Variants in LRRC49 observed in about 807,000 individuals in gnomAD.
LRRC49 encodes the protein leucine rich repeat containing 49.
Under a neutral mutation model 83.3 loss-of-function variants are expected in LRRC49, and 50 were observed. That is an observed-to-expected ratio of 0.60 (90% CI 0.48 to 0.76). The LOEUF is 0.76. LRRC49 is among the 30% of genes least tolerant of loss of function. The probability of loss-of-function intolerance (pLI) is 0.00; values close to 1 mark genes in which losing one functional copy is unlikely to be tolerated. For synonymous variants in LRRC49, 286 were observed against 283.3 expected (o/e 1.01, Z -0.10); for missense variants, 704 against 809.1 (o/e 0.87, Z 1.58).
Position 70,881,040 on chromosome 15 carries a change from G to A in LRRC49, c.18+7817G>A, listed in dbSNP as rs140965801. ...GGAGTTTGAGACCAGTCTGGGCAAT[G>A]TAGTGAGACCCCATCTTTACAAAAA... On this transcript the variant is annotated intron_variant, in intron 2 of 16. Coordinates refer to the LRRC49 transcript ENST00000544974. 1.8e-3 allele frequency among the ~76,000 whole-genome samples: 279 copies of A among 152,250 alleles called. 2 individuals are homozygous for A. Among genetic ancestry groups the A allele is most frequent in the African/African-American group, 6.6e-3 (275 of 41,540 alleles).
Position 70,920,455 on chromosome 15 carries a change from C to T in LRRC49, c.711+1262C>T, listed in dbSNP as rs199893022. On this transcript the variant is annotated intron_variant, in intron 7 of 15. Coordinates refer to ENST00000260382, the MANE Select transcript of LRRC49 (RefSeq NM_017691.5). ...CTGGACTGTTTATTTAGAAGACATT[C>T]AGATTGGGTTAACCTGTTATGTTGC... 1.7e-4 allele frequency among the ~76,000 whole-genome samples: 26 copies of T among 152,270 alleles called. No homozygotes were observed. The East Asian group carries it at 2.1e-3, about 12-fold the overall frequency.
intron 7 of LRRC49, among the ~76,000 whole-genome samples, chr15:70,929,737 G>C (rs1460569473): frequency 6.6e-6 from 1 of 152,176 alleles, no homozygotes; most frequent in Non-Finnish European, 1.5e-5. Context: ...ATTCTAAGTT[G>C]TTTGTTGTCA....
At chr15:70,932,834 A>G (rs2035460286) in intron 7 of LRRC49, among the ~76,000 whole-genome samples, 1 of 149,218 alleles carries the variant, frequency 6.7e-6, no homozygotes, top group Non-Finnish European at 1.5e-5. Context: ...CGTTCAAACA[A>G]TTCTCCCGTC....
chr15:70,893,496 T>C lies in LRRC49; in HGVS notation c.49-88T>C. The C allele has an allele frequency of 7.8e-6, 6 of 771,338 alleles. 1 individual carries two copies. In the South Asian group the frequency reaches 9.4e-5, roughly 12 times the overall value. 47.8% of individuals were successfully genotyped at this position (771,338 alleles called of 1,614,324 possible). On this transcript the variant is annotated intron_variant, in intron 1 of 15. Transcript: ENST00000260382. The stretch of plus-strand genomic sequence containing the variant: ...TAGAGCATTGTGTTCTATTTTTTTG[T>C]TGTATTTCTGTTTGTACCTTTTTTT...
rs185036588 is a variant in LRRC49, at chr15:70,952,159, G to T, written c.774-11626G>T. 9.3e-4 allele frequency among the ~76,000 whole-genome samples: 140 copies of T among 150,846 alleles called. 1 individual carries two copies. Among genetic ancestry groups the T allele is most frequent in the Non-Finnish European group, 1.7e-3 (114 of 67,746 alleles). On this transcript the variant is annotated intron_variant, in intron 8 of 15. Coordinates refer to ENST00000260382, the MANE Select transcript of LRRC49 (RefSeq NM_017691.5). ...AGCTTTTTGATGTGCTTCTGAATTT[G>T]CTTGTATTTTGTTGAGGATTTTTAC...
chr15:71,045,444 A>G (rs764266089), intron 15 of LRRC49, among the ~76,000 whole-genome samples: 5 of 152,294 alleles, frequency 3.3e-5, no homozygotes, highest in Non-Finnish European at 7.4e-5. Context: ...CATTGCAGAC[A>G]TTAGTATGCT....
chr15:71,046,873 G>A (rs2039868485), intron 15 of LRRC49, among the ~76,000 whole-genome samples: 1 of 152,130 alleles, frequency 6.6e-6, no homozygotes, highest in Non-Finnish European at 1.5e-5. Flanking sequence ...TATGGTGAAA[G>A]ATAAGAAAGG....
chr15:70,945,313 A>G lies in LRRC49; in HGVS notation c.773+8491A>G, dbSNP rs377536354. On this transcript the variant is annotated intron_variant, in intron 8 of 15. Coordinates refer to ENST00000260382, the MANE Select transcript of LRRC49 (RefSeq NM_017691.5). ...GGATCACAGCCCTGAGCTAGTCAAC[A>G]TCTGCTTCATATATTTTGTCCAGTT... Among the ~76,000 whole-genome samples, 3 of 152,288 alleles carry G rather than the reference A, an allele frequency of 2.0e-5. No individual in the cohort carries two copies. In the East Asian group the frequency reaches 5.8e-4, roughly 29 times the overall value.
intron 11 of LRRC49, among the ~76,000 whole-genome samples, chr15:71,007,219 T>A (rs1247795207): frequency 6.6e-6 from 1 of 152,036 alleles, no homozygotes; most frequent in Non-Finnish European, 1.5e-5. Context: ...GTTTTATCCC[T>A]TAACATCATT....
At chr15:71,023,948 G>T (rs941488386) in intron 14 of LRRC49, among the ~76,000 whole-genome samples, 2 of 152,148 alleles carry the variant, frequency 1.3e-5, no homozygotes. Context: ...CCAGGGGAGG[G>T]GCAGATGCCA....
At chr15:70,960,616 C>T (rs2141193747) in intron 8 of LRRC49, among the ~76,000 whole-genome samples, 1 of 152,046 alleles carries the variant, frequency 6.6e-6, no homozygotes, top group East Asian at 1.9e-4. Flanking sequence ...ATAAAAGGCC[C>T]AGAAATAGAC....
At chr15:70,987,341 A>T (rs1431584199) in intron 11 of LRRC49, among the ~76,000 whole-genome samples, 1 of 152,198 alleles carries the variant, frequency 6.6e-6, no homozygotes, top group East Asian at 1.9e-4. Context: ...CAGAGAGTCA[A>T]CTTCTTCCTG....
chr15:71,044,201 A>G (rs903627978), intron 15 of LRRC49, among the ~76,000 whole-genome samples: 10 of 152,154 alleles, frequency 6.6e-5, no homozygotes, highest in Admixed American at 3.3e-4. Flanking sequence ...AGTATTTCAG[A>G]GTGAGGGAAG....
At chr15:70,988,501 C>G (rs1465567452) in intron 11 of LRRC49, among the ~76,000 whole-genome samples, 1 of 152,134 alleles carries the variant, frequency 6.6e-6, no homozygotes, top group African/African-American at 2.4e-5. Flanking sequence ...AGATCTTCCT[C>G]CATCTTTTTA....
intron 11 of LRRC49, among the ~76,000 whole-genome samples, chr15:70,996,728 A>C (rs2038086441): frequency 6.6e-6 from 1 of 152,166 alleles, no homozygotes; most frequent in African/African-American, 2.4e-5. Context: ...CACTATAGGC[A>C]ATAGGCCTCA....
chr15:70,871,855 G>C (rs542456318), intron 1 of LRRC49, among the ~76,000 whole-genome samples: 34 of 150,766 alleles, frequency 2.3e-4, no homozygotes, highest in African/African-American at 8.3e-4. Context: ...GGGCAGAGAC[G>C]CTCCTCACTT....
At chr15:70,882,322 G>T in intron 2 of LRRC49, 1 of 809,820 alleles carries the variant, frequency 1.2e-6, no homozygotes, top group Non-Finnish European at 1.9e-6. Context: ...TTTTGCCTTA[G>T]AGCTAAACAA....
intron 14 of LRRC49, among the ~76,000 whole-genome samples, chr15:71,013,492 T>C (rs2141267253): frequency 6.6e-6 from 1 of 152,310 alleles, no homozygotes; most frequent in Admixed American, 6.5e-5. Context: ...GTAGAAAGGC[T>C]GCCATTTGAG....
intron 5 of LRRC49, chr15:70,908,072 A>G (rs2034393013): frequency 2.2e-6 from 1 of 453,286 alleles, no homozygotes; most frequent in South Asian, 1.6e-5. Flanking sequence ...CAAGAGAGCA[A>G]GATGTTTGGT....
Sources: gnomAD v4.1 joint callset for allele counts (sites outside exome capture counted in the v4.1 genomes callset) on GRCh38, gnomAD v4.1.1 for gene constraint, MANE v1.5 for transcripts, NCBI Gene and HGNC (gene_info 2026-07-23, HGNC 2026-07-21) for gene names.